WAC: variants seen among roughly 807,000 people sequenced by gnomAD.
WAC encodes the protein WW domain-containing adapter protein with coiled-coil.
WAC carries 11 observed loss-of-function variants against 79.6 expected under a neutral mutation model. The observed-to-expected ratio is 0.14, with a 90% CI of 0.09 to 0.23. The LOEUF (loss-of-function observed/expected upper bound fraction) is 0.23, where lower values mean the gene tolerates loss of function less well. Among genes scored for constraint, WAC ranks in the 10% least tolerant of loss-of-function variants. The pLI, the probability that WAC is intolerant of heterozygous loss-of-function variation, is 1.00. For synonymous variants in WAC, 304 were observed against 276.9 expected (o/e 1.10, Z -0.97); for missense variants, 728 against 773.5 (o/e 0.94, Z 0.70).
At chr10:28,596,379 C>T (rs144143284) in intron 7 of WAC, among the ~76,000 whole-genome samples, 55 of 152,210 alleles carry the variant, frequency 3.6e-4, no homozygotes, top group Admixed American at 1.8e-3. Flanking sequence ...GTTTATAAAT[C>T]GTCTCAGTTT....
At chr10:28,605,297 G>A (rs936852347) in intron 7 of WAC, among the ~76,000 whole-genome samples, 5 of 152,198 alleles carry the variant, frequency 3.3e-5, no homozygotes, top group African/African-American at 1.2e-4. Flanking sequence ...AGTAGTGCCA[G>A]AATCACACAT....
At chr10:28,539,477 T>A (rs936456776) in intron 3 of WAC, among the ~76,000 whole-genome samples, 2 of 152,214 alleles carry the variant, frequency 1.3e-5, no homozygotes, top group African/African-American at 4.8e-5. Context: ...TGAGTTATTT[T>A]TATATAGTCT....
chr10:28,610,541 G>T lies in WAC; in HGVS notation c.1166-158G>T, dbSNP rs12267490. On this transcript the variant is annotated intron_variant, in intron 8 of 13. Coordinates refer to ENST00000354911, the MANE Select transcript of WAC (RefSeq NM_016628.5). ...CTCTGCCTCAGATCATTTCAAATTT[G>T]GGACCCATTGTATTACTCCTATCTA... is the stretch of plus-strand genomic sequence containing the variant. Among the ~76,000 whole-genome samples, 4,420 of 150,556 alleles carry T rather than the reference G, an allele frequency of 0.029. 226 individuals are homozygous for T. Among genetic ancestry groups the T allele is most frequent in the African/African-American group, 0.1 (4,158 of 40,758 alleles).
In WAC at chr10:28,560,836, G is replaced by C. The variant is rs554084205; in HGVS notation, c.275-22563G>C. Among the ~76,000 whole-genome samples the C allele has an allele frequency of 1.1e-4, 16 of 152,314 alleles. No individual in the cohort carries two copies. The South Asian group carries it at 3.3e-3, about 32-fold the overall frequency. ...TGTTGCCAGCTTTGACCAGTAGGCA[G>C]ATTTTCCTAATTTGTACACTCCTGC... is the stretch of plus-strand genomic sequence containing the variant. On this transcript the variant is annotated intron_variant, in intron 3 of 13. Coordinates refer to ENST00000354911, the MANE Select transcript of WAC (RefSeq NM_016628.5).
chr10:28,553,074 A>G (rs1394690084), intron 3 of WAC, among the ~76,000 whole-genome samples: 1 of 152,144 alleles, frequency 6.6e-6, no homozygotes, highest in African/African-American at 2.4e-5. Flanking sequence ...GTGGAGACGA[A>G]TGGAATATTT....
At position 28,608,570 on chromosome 10, in the gene WAC, T is replaced by G. The variant is rs796776353; in HGVS notation, c.1165+139T>G. Reference sequence around the variant, plus strand: ...ACACTTTTTTTTGTTTTGTTTTTTGTTTTTGGAGTTTGGAAATTTATATCC... The same window carrying G: ...ACACTTTTTTTTGTTTTGTTTTTTGGTTTTGGAGTTTGGAAATTTATATCC... On this transcript the variant is annotated intron_variant, in intron 8 of 13. Coordinates refer to ENST00000354911, the MANE Select transcript of WAC (RefSeq NM_016628.5). 4 of 1,005,334 alleles carry G rather than the reference T, an allele frequency of 4.0e-6. No individual in the cohort carries two copies. In the African/African-American group the frequency reaches 6.5e-5, roughly 16 times the overall value. The allele number at this position is 1,005,334 out of a possible 1,614,324, so 62.3% of individuals were successfully genotyped here.
chr10:28,596,550 C>T (rs935933513), intron 7 of WAC, among the ~76,000 whole-genome samples: 3 of 152,078 alleles, frequency 2.0e-5, no homozygotes, highest in African/African-American at 7.2e-5. Flanking sequence ...GGAAGTTAAA[C>T]GTTGCAACCC....
At chr10:28,598,991 A>T (rs148968440) in intron 7 of WAC, among the ~76,000 whole-genome samples, 97 of 152,320 alleles carry the variant, frequency 6.4e-4, no homozygotes, top group African/African-American at 2.1e-3. Context: ...GATAAGTTTT[A>T]TAGCAACTTT....
intron 8 of WAC, among the ~76,000 whole-genome samples, chr10:28,609,926 C>CT (rs35905966): frequency 0.21 from 23,762 of 115,638 alleles, 3,326 homozygotes; most frequent in East Asian, 0.34. Flanking sequence ...TTCCTAAATA[C>CT]TTTTTTTTTT....
intron 3 of WAC, among the ~76,000 whole-genome samples, chr10:28,543,674 T>C (rs1837185487): frequency 6.6e-6 from 1 of 152,268 alleles, no homozygotes; most frequent in African/African-American, 2.4e-5. Flanking sequence ...CCTTGAGCTA[T>C]ATAGTGCTTC....
chr10:28,609,579 A>C, intron 8 of WAC, among the ~76,000 whole-genome samples: 1 of 152,176 alleles, frequency 6.6e-6, no homozygotes. Flanking sequence ...TCATTTAGGC[A>C]AAGTGGGGCT....
intron 3 of WAC, among the ~76,000 whole-genome samples, chr10:28,537,859 A>G (rs961754559): frequency 6.6e-5 from 10 of 152,070 alleles, no homozygotes; most frequent in African/African-American, 2.4e-4. Context: ...ATCTTTCCTG[A>G]TGTTTCTTTA....
At position 28,533,946 on chromosome 10, in the gene WAC, C is replaced by T. The variant is rs573773244; in HGVS notation, c.42-52C>T. 46 of 1,595,552 alleles carry T rather than the reference C, an allele frequency of 2.9e-5. No individual in the cohort carries two copies. The East Asian group carries it at 7.9e-4, about 27-fold the overall frequency. On this transcript the variant is annotated intron_variant, in intron 1 of 13. Coordinates refer to ENST00000354911, the MANE Select transcript of WAC (RefSeq NM_016628.5). ...GGGGCCCCGTTTTCTTCCTCCCCGG[C>T]CCCCCACCCGCGCCGTGTCTTATGT...
In WAC at chr10:28,587,391, G is replaced by A. The variant is rs183417631; in HGVS notation, c.382-2345G>A. 3.4e-4 allele frequency among the ~76,000 whole-genome samples: 52 copies of A among 152,278 alleles called. No individual in the cohort carries two copies. The East Asian group carries it at 9.1e-3, about 27-fold the overall frequency. On this transcript the variant is annotated intron_variant, in intron 4 of 13. Transcript: ENST00000354911. ...GTTGAGCCTCTGGGTAAACTTCACT[G>A]TATGCTTGTGGTAAAATGAGGAAGA...
At chr10:28,549,418 C>T (rs982320850) in intron 3 of WAC, among the ~76,000 whole-genome samples, 1 of 152,164 alleles carries the variant, frequency 6.6e-6, no homozygotes, top group Admixed American at 6.5e-5. Context: ...ACAGCCACCA[C>T]CTAATGTTCT....
chr10:28,573,206 T>C (rs1184086226), intron 3 of WAC, among the ~76,000 whole-genome samples: 1 of 152,154 alleles, frequency 6.6e-6, no homozygotes, highest in Non-Finnish European at 1.5e-5. Context: ...CTGGAATTCC[T>C]GATTATTTTT....
At chr10:28,565,997 A>G (rs1188655951) in intron 3 of WAC, among the ~76,000 whole-genome samples, 1 of 152,194 alleles carries the variant, frequency 6.6e-6, no homozygotes, top group Admixed American at 6.5e-5. Context: ...CCAAAGTTTC[A>G]TACTTATAGT....
intron 13 of WAC, among the ~76,000 whole-genome samples, chr10:28,619,183 G>C (rs563596147): frequency 6.6e-6 from 1 of 152,286 alleles, no homozygotes; most frequent in Admixed American, 6.5e-5. Flanking sequence ...GGAGGCTGAG[G>C]CAGGGAGAAT....
At chr10:28,610,616 G>C (rs1841190674) in intron 8 of WAC, 83 bp from the exon 9 acceptor site, 5 of 1,375,810 alleles carry the variant, frequency 3.6e-6, no homozygotes, top group Non-Finnish European at 4.8e-6. Context: ...AGTTTCTTGT[G>C]AGTTCTCTTC....
Sources: gnomAD v4.1 joint callset for allele counts (sites outside exome capture counted in the v4.1 genomes callset) on GRCh38, gnomAD v4.1.1 for gene constraint, MANE v1.5 for transcripts, NCBI Gene and HGNC (gene_info 2026-07-23, HGNC 2026-07-21) for gene names.